MAP3K20: variants seen among roughly 807,000 people sequenced by gnomAD.
MAP3K20 encodes the protein mitogen-activated protein kinase kinase kinase 20.
Under a neutral mutation model 85.7 loss-of-function variants are expected in MAP3K20, and 40 were observed. The ratio of observed to expected loss-of-function variants is 0.47; its 90% CI spans 0.36 to 0.61. The LOEUF is 0.61. MAP3K20 is among the 20% of genes least tolerant of loss of function. The pLI is 0.00. For missense variants in MAP3K20, 817 were observed against 961.7 expected, an observed-to-expected ratio of 0.85 and a Z score of 1.99; for synonymous variants, 325 against 327.7, an observed-to-expected ratio of 0.99 and a Z score of 0.09.
intron 11 of MAP3K20, chr2:173,222,184 C>A: frequency 1.0e-6 from 1 of 977,064 alleles, no homozygotes; most frequent in Non-Finnish European, 1.2e-6. Flanking sequence ...CTAGCCTGGG[C>A]AAGAGAACAA....
At chr2:173,227,087 C>T in intron 11 of MAP3K20, 1 of 985,808 alleles carries the variant, frequency 1.0e-6, no homozygotes. Flanking sequence ...TTGATGTGAA[C>T]TTTTCTTTGC....
At chr2:173,090,411 G>T (rs1271063340) in intron 1 of MAP3K20, among the ~76,000 whole-genome samples, 1 of 152,154 alleles carries the variant, frequency 6.6e-6, no homozygotes, top group Non-Finnish European at 1.5e-5. Context: ...ACAGTATACA[G>T]TCCAGAGAGC....
intron 16 of MAP3K20, among the ~76,000 whole-genome samples, chr2:173,252,354 C>T (rs1376486479): frequency 6.6e-6 from 1 of 152,170 alleles, no homozygotes; most frequent in Non-Finnish European, 1.5e-5. Context: ...AGTCTTAATT[C>T]AGAAAATTTT....
intron 2 of MAP3K20, among the ~76,000 whole-genome samples, chr2:173,155,336 C>T (rs1018406127): frequency 2.6e-5 from 4 of 152,176 alleles, no homozygotes; most frequent in Admixed American, 6.5e-5. Flanking sequence ...GTAGCTTACT[C>T]ATGAAAATTA....
Position 173,261,124 on chromosome 2 carries a change from C to T in MAP3K20, c.1538C>T (p.Thr513Ile). The change falls in exon 18 of 20, where the codon ACT becomes ATT. Residue 513 changes from threonine (T) to isoleucine (I), a missense_variant. Thr to Ile is a moderately conservative substitution (Grantham distance 89). Coordinates refer to ENST00000375213, the MANE Select transcript of MAP3K20 (RefSeq NM_016653.3). ...GIAKSQTVEC[T>I]VTYESDVRTP... ...GCAAAAAGTCAGACTGTGGAGTGCA[C>T]TGTCACATATGAGGTAAGCTCTGGG... 6.2e-7 allele frequency: 1 copy of T among 1,613,608 alleles called. No individual in the cohort carries two copies. Among genetic ancestry groups the T allele is most frequent in the Non-Finnish European group, 8.5e-7 (1 of 1,179,616 alleles).
At chr2:173,247,453 G>A (rs1408963452) in intron 16 of MAP3K20, among the ~76,000 whole-genome samples, 3 of 152,052 alleles carry the variant, frequency 2.0e-5, no homozygotes, top group Non-Finnish European at 4.4e-5. Context: ...GGAAATTTCA[G>A]AAGAGCAGAA....
intron 11 of MAP3K20, chr2:173,223,375 G>A (rs1257131241): frequency 1.3e-5 from 12 of 900,366 alleles, no homozygotes; most frequent in Non-Finnish European, 1.5e-5. Flanking sequence ...TCATTGTGCG[G>A]ATTAAAAGAA....
intron 2 of MAP3K20, among the ~76,000 whole-genome samples, chr2:173,094,511 A>G (rs1687403045): frequency 6.6e-6 from 1 of 152,186 alleles, no homozygotes; most frequent in South Asian, 2.1e-4. Flanking sequence ...CCAGGATCCA[A>G]TCCAGGATCG....
At position 173,209,803 on chromosome 2, in the gene MAP3K20, T is replaced by C. The variant is rs771902043; in HGVS notation, c.819T>C (p.Cys273=). ...MSNDTSLPDK[C]NSFLHNKAEW... ...ATGACACGAGCCTTCCTGACAAGTG[T>C]AACTCATTCCTACACAACAAGGCGG... Residue 273 remains cysteine (C), a synonymous_variant, in exon 10 of 20, where the codon TGT becomes TGC. Coordinates refer to ENST00000375213, the MANE Select transcript of MAP3K20 (RefSeq NM_016653.3). 4.8e-5 allele frequency: 78 copies of C among 1,614,050 alleles called. No homozygotes were observed. The highest frequency in any genetic ancestry group is 3.7e-4 in the South Asian group (34 of 91,088).
At chr2:173,113,721 G>T (rs142864977) in intron 2 of MAP3K20, among the ~76,000 whole-genome samples, 247 of 152,186 alleles carry the variant, frequency 1.6e-3, no homozygotes, top group African/African-American at 5.6e-3. Context: ...TTTTGGAGTT[G>T]ATTTCTAGTT....
intron 2 of MAP3K20, among the ~76,000 whole-genome samples, chr2:173,158,392 CA>C (rs1442467009): frequency 6.6e-6 from 1 of 152,110 alleles, no homozygotes; most frequent in East Asian, 1.9e-4. Context: ...GACCTGGCAT[CA>C]GACTTTATTA....
intron 2 of MAP3K20, among the ~76,000 whole-genome samples, chr2:173,152,499 C>T (rs1461074775): frequency 6.6e-6 from 1 of 152,252 alleles, no homozygotes; most frequent in East Asian, 1.9e-4. Context: ...CTTCAGTCAA[C>T]AGGCATGGAA....
At position 173,075,962 on chromosome 2, in the gene MAP3K20, C is replaced by T. The variant is rs1175572669; in HGVS notation, c.-75C>T. The T allele has an allele frequency of 2.0e-6, 2 of 984,994 alleles. No homozygotes were observed. Among genetic ancestry groups the T allele is most frequent in the African/African-American group, 1.7e-5 (1 of 57,166 alleles). 61.0% of individuals were successfully genotyped at this position (984,994 alleles called of 1,614,324 possible). A position where few individuals can be genotyped will look rare whatever the true frequency, so the allele number is the denominator to read the frequency against. ...GCCGCCCTCGTCGCGCGCGGGGCCT[C>T]CGCGCCCCCGGCTGCTGCTCACGCC... On this transcript the variant is annotated 5_prime_UTR_variant, in exon 1 of 20. Coordinates refer to ENST00000375213, the MANE Select transcript of MAP3K20 (RefSeq NM_016653.3).
intron 7 of MAP3K20, among the ~76,000 whole-genome samples, chr2:173,197,246 A>C (rs1464630159): frequency 6.6e-6 from 1 of 152,206 alleles, no homozygotes; most frequent in African/African-American, 2.4e-5. Context: ...AAGAGAACCC[A>C]AAATCAGCAG....
chr2:173,081,335 A>G (rs1172387859), intron 1 of MAP3K20, among the ~76,000 whole-genome samples: 4 of 151,948 alleles, frequency 2.6e-5, no homozygotes, highest in Non-Finnish European at 5.9e-5. Context: ...CTTATTCCCC[A>G]TAGTGTTAAA....
chr2:173,104,575 T>C (rs890402151), intron 2 of MAP3K20, among the ~76,000 whole-genome samples: 1 of 152,188 alleles, frequency 6.6e-6, no homozygotes, highest in African/African-American at 2.4e-5. Context: ...TTCATAGTCA[T>C]GTATCAATGT....
intron 2 of MAP3K20, among the ~76,000 whole-genome samples, chr2:173,166,068 T>A (rs942715825): frequency 6.6e-6 from 1 of 152,212 alleles, no homozygotes; most frequent in Non-Finnish European, 1.5e-5. Flanking sequence ...GCTGTACCCA[T>A]TAAGCAATAA....
At chr2:173,144,412 G>A (rs186345587) in intron 2 of MAP3K20, among the ~76,000 whole-genome samples, 3,239 of 140,518 alleles carry the variant, frequency 0.023, 117 homozygotes, top group African/African-American at 0.08. Context: ...GCAGTGAGCC[G>A]AGGTCACGCC....
chr2:173,220,031 G>A (rs1486402129), intron 11 of MAP3K20, among the ~76,000 whole-genome samples: 1 of 145,714 alleles, frequency 6.9e-6, no homozygotes, highest in Non-Finnish European at 1.5e-5. Context: ...TAGTGCCACT[G>A]CACTCCAGCC....
Sources: gnomAD v4.1 joint callset for allele counts (sites outside exome capture counted in the v4.1 genomes callset) on GRCh38, gnomAD v4.1.1 for gene constraint, MANE v1.5 for transcripts, NCBI Gene and HGNC (gene_info 2026-07-23, HGNC 2026-07-21) for gene names.